Variants in ZNF616 observed in about 807,000 individuals in gnomAD.
ZNF616 encodes zinc finger protein 616.
Under a neutral mutation model 7.6 loss-of-function variants are expected in ZNF616, and 5 were observed. That is an observed-to-expected ratio of 0.66 (90% CI 0.34 to 1.38). The LOEUF (loss-of-function observed/expected upper bound fraction) is 1.38, where lower values mean the gene tolerates loss of function less well. Among genes scored for constraint, ZNF616 ranks in the 40% most tolerant of loss-of-function variants. ZNF616 has a pLI of 0.04. For synonymous variants in ZNF616, 319 were observed against 317.2 expected, an observed-to-expected ratio of 1.01 and a Z score of -0.06; for missense variants, 913 against 948.3, an observed-to-expected ratio of 0.96 and a Z score of 0.49.
chr19:52,130,130 T>TTC (rs2088945101), intron 2 of ZNF616, among the ~76,000 whole-genome samples: 1 of 152,194 alleles, frequency 6.6e-6, no homozygotes, highest in South Asian at 2.1e-4. Context: ...CACATGCAGC[T>TTC]TCTCTATTCC....
At chr19:52,127,286 C>G (rs1018110573) in intron 2 of ZNF616, among the ~76,000 whole-genome samples, 5 of 152,162 alleles carry the variant, frequency 3.3e-5, no homozygotes, top group African/African-American at 7.2e-5. Context: ...AACTCCTGAC[C>G]TCAGGTGATC....
In ZNF616 at chr19:52,115,389, A is replaced by T; in HGVS notation, c.1775T>A (p.Leu592His). 5 of 1,614,114 alleles carry T rather than the reference A, an allele frequency of 3.1e-6. No individual in the cohort carries two copies. The highest frequency in any genetic ancestry group is 4.2e-6 in the Non-Finnish European group (5 of 1,180,014). ...AGTATGAACTCTTCGATGCCCTACA[A>T]GATGTGAATACTGACTGTAGACCTT... Reference protein sequence around the residue: ...CGKVYSQYSHLVGHRRVHTGE... With the variant: ...CGKVYSQYSHHVGHRRVHTGE... Residue 592 changes from leucine to histidine, a missense_variant, in exon 4 of 4, where the codon CTT becomes CAT. Leu to His is a moderately conservative substitution (Grantham distance 99, BLOSUM62 -3). Transcript: ENST00000600228.
rs1330222428 is a variant in ZNF616, at chr19:52,115,628, C to G, written c.1536G>C (p.Arg512=). 2.5e-6 allele frequency: 4 copies of G among 1,613,736 alleles called. No individual in the cohort carries two copies. In the Admixed American group the frequency reaches 6.7e-5, roughly 27 times the overall value. The change falls in exon 4 of 4, where the codon CGG becomes CGC. Residue 512 remains arginine, a synonymous_variant. Coordinates refer to ENST00000600228, the MANE Select transcript of ZNF616 (RefSeq NM_178523.5). ...FSQHSRLAVH[R]RIHTGEKPYK... ...AAGGTTTCTCTCCAGTATGAATTCTCCGATGCACTGCAAGACGTGAATGTT... is the reference window on the plus strand; with the variant it reads ...AAGGTTTCTCTCCAGTATGAATTCTGCGATGCACTGCAAGACGTGAATGTT...
rs189627700 is a variant in ZNF616, at chr19:52,134,803, C to T, written c.-76-4215G>A. On this transcript the variant is annotated intron_variant, in intron 1 of 3. Coordinates refer to ENST00000600228, the MANE Select transcript of ZNF616 (RefSeq NM_178523.5). The stretch of plus-strand genomic sequence containing the variant: ...TCCAAAGAGCATTACCCATCCTCTC[C>T]CCAAACTGCCTCCCCAGCACCTAGT... Among the ~76,000 whole-genome samples, 39 of 152,264 alleles carry T rather than the reference C, an allele frequency of 2.6e-4. 1 individual carries two copies. The East Asian group carries it at 7.5e-3, about 29-fold the overall frequency.
intron 1 of ZNF616, among the ~76,000 whole-genome samples, chr19:52,133,163 T>G (rs757683978): frequency 6.6e-5 from 10 of 152,120 alleles, no homozygotes; most frequent in Non-Finnish European, 1.5e-4. Flanking sequence ...AGGCAAGAAG[T>G]GAAGACGGAG....
At position 52,115,270 on chromosome 19, in the gene ZNF616, G is replaced by C; in HGVS notation, c.1894C>G (p.Pro632Ala). 6.2e-7 allele frequency: 1 copy of C among 1,614,092 alleles called. No individual in the cohort carries two copies. The highest frequency in any genetic ancestry group is 8.5e-7 in the Non-Finnish European group (1 of 1,180,012). The change falls in exon 4 of 4, where the codon CCT becomes GCT. Residue 632 changes from proline (P) to alanine (A), a missense_variant. Coordinates refer to ENST00000600228, the MANE Select transcript of ZNF616 (RefSeq NM_178523.5). ...RHQRIHTGEK[P>A]YKCNQCGNSF... is the part of the protein sequence containing the mutation. Reference sequence around the variant, plus strand: ...TTCCCACACTGATTGCATTTGTAAGGTTTCTCTCCGGTATGAATTCTCTGA... The same window carrying C: ...TTCCCACACTGATTGCATTTGTAAGCTTTCTCTCCGGTATGAATTCTCTGA...
chr19:52,115,361 T>C lies in ZNF616; in HGVS notation c.1803A>G (p.Gly601=). ...HLVGHRRVHT[G]EKPYKCHECG... is the part of the protein sequence containing the mutation. ...ATTCATGACATTTGTATGGTTTCTC[T>C]CCAGTATGAACTCTTCGATGCCCTA... Residue 601 remains glycine (G), a synonymous_variant, in exon 4 of 4, where the codon GGA becomes GGG. Coordinates refer to ENST00000600228, the MANE Select transcript of ZNF616 (RefSeq NM_178523.5). The C allele has an allele frequency of 1.2e-6, 2 of 1,614,134 alleles. No individual in the cohort carries two copies. The highest frequency in any genetic ancestry group is 1.7e-6 in the Non-Finnish European group (2 of 1,180,020).
Position 52,116,098 on chromosome 19 carries a change from C to T in ZNF616, c.1066G>A (p.Asp356Asn). 6.2e-7 allele frequency: 1 copy of T among 1,614,176 alleles called. No individual in the cohort carries two copies. The highest frequency in any genetic ancestry group is 1.3e-5 in the African/African-American group (1 of 75,044). Residue 356 changes from aspartate to asparagine, a missense_variant, in exon 4 of 4, where the codon GAT becomes AAT. Transcript: ENST00000600228. ...TGTCTGAATGCCTTGCCACATACATCACATTTATATGGTTTCTTTCCTGCA... is the reference window on the plus strand; with the variant it reads ...TGTCTGAATGCCTTGCCACATACATTACATTTATATGGTTTCTTTCCTGCA... ...IHAGKKPYKC[D>N]VCGKAFRHRS...
rs1467564095 is a variant in ZNF616, at chr19:52,115,500, C to A, written c.1664G>T (p.Gly555Val). 1.1e-5 allele frequency: 17 copies of A among 1,614,092 alleles called. No homozygotes were observed. Among genetic ancestry groups the A allele is most frequent in the African/African-American group, 2.7e-5 (2 of 74,946 alleles). The stretch of plus-strand genomic sequence containing the variant: ...ACGTGAACATTGACTGAAGACCTTG[C>A]CACATTCTTTGCATTTGTAAGGCTT... ...GEKPYKCKEC[G>V]KVFSQCSRLT... The change falls in exon 4 of 4, where the codon GGC (glycine) becomes GTC (valine). Residue 555 changes from glycine (G) to valine (V), a missense_variant. By Grantham distance (109) the Gly-to-Val change is moderately radical (BLOSUM62 -3). Coordinates refer to ENST00000600228, the MANE Select transcript of ZNF616 (RefSeq NM_178523.5).
Position 52,115,313 on chromosome 19 carries a change from G to C in ZNF616, c.1851C>G (p.Gly617=), listed in dbSNP as rs779023188. ...CHECGKAFNQ[G]STLNRHQRIH... is the part of the protein sequence containing the mutation. ...TTCTCTGATGTCTATTGAGTGTGGA[G>C]CCCTGATTAAAGGCTTTGCCACATT... The change falls in exon 4 of 4, where the codon GGC becomes GGG. Residue 617 remains glycine, a synonymous_variant. Transcript: ENST00000600228. The C allele has an allele frequency of 3.7e-6, 6 of 1,613,534 alleles. No individual in the cohort carries two copies. The highest frequency in any genetic ancestry group is 5.1e-6 in the Non-Finnish European group (6 of 1,179,898).
intron 3 of ZNF616, among the ~76,000 whole-genome samples, chr19:52,120,663 G>A (rs2122149139): frequency 6.6e-6 from 1 of 152,308 alleles, no homozygotes; most frequent in Middle Eastern, 3.4e-3. Flanking sequence ...ATCGGAGGTG[G>A]CTAAACTGGT....
At position 52,129,973 on chromosome 19, in the gene ZNF616, A is replaced by G. The variant is rs577947792; in HGVS notation, c.12+528T>C. On this transcript the variant is annotated intron_variant, in intron 2 of 3. Transcript: ENST00000600228. The stretch of plus-strand genomic sequence containing the variant: ...AATTTTTGTATTTTCAGTAAAGACG[A>G]GGTTTCACCATGTTGGCTCAAACTC... Among the ~76,000 whole-genome samples the G allele has an allele frequency of 2.0e-5, 3 of 152,174 alleles. No individual in the cohort carries two copies. In the South Asian group the frequency reaches 6.2e-4, roughly 32 times the overall value.
intron 3 of ZNF616, among the ~76,000 whole-genome samples, chr19:52,119,740 A>G (rs1453624415): frequency 1.3e-5 from 2 of 152,338 alleles, no homozygotes; most frequent in African/African-American, 4.8e-5. Flanking sequence ...GAATTATACT[A>G]TGGGCACAGG....
Position 52,117,043 on chromosome 19 carries a change from A to G in ZNF616, c.140-19T>C, listed in dbSNP as rs776893257. Reference sequence around the variant, plus strand: ...GAGATACCTGCAAAATATAATGAACATGAGTTTTTTTTTAAACTACTACTA... The same window carrying G: ...GAGATACCTGCAAAATATAATGAACGTGAGTTTTTTTTTAAACTACTACTA... On this transcript the variant is annotated intron_variant, in intron 3 of 3. Coordinates refer to ENST00000600228, the MANE Select transcript of ZNF616 (RefSeq NM_178523.5). 1.4e-5 allele frequency: 22 copies of G among 1,528,772 alleles called. No homozygotes were observed. Among genetic ancestry groups the G allele is most frequent in the African/African-American group, 2.8e-5 (2 of 71,718 alleles). The allele number at this position is 1,528,772 out of a possible 1,614,324, so 94.7% of individuals were successfully genotyped here. A position where few individuals can be genotyped will look rare whatever the true frequency, so the allele number is the denominator to read the frequency against.
chr19:52,120,172 T>C (rs1353136555), intron 3 of ZNF616, among the ~76,000 whole-genome samples: 2 of 152,214 alleles, frequency 1.3e-5, no homozygotes, highest in Non-Finnish European at 2.9e-5. Flanking sequence ...GGAAGTAATC[T>C]GGGATATCAA....
At chr19:52,133,666 A>G (rs920281056) in intron 1 of ZNF616, among the ~76,000 whole-genome samples, 3 of 151,988 alleles carry the variant, frequency 2.0e-5, no homozygotes, top group African/African-American at 7.2e-5. Context: ...GGCATGTGCC[A>G]CCACACCTGG....
intron 2 of ZNF616, 76 bp downstream of exon 2, chr19:52,130,425 C>G (rs970283185): frequency 4.5e-6 from 6 of 1,331,134 alleles, no homozygotes; most frequent in Non-Finnish European, 5.4e-6. Flanking sequence ...AACTCCGACG[C>G]CCTGTACTTC....
In ZNF616 at chr19:52,116,664, T is replaced by G; in HGVS notation, c.500A>C (p.Glu167Ala). 1 of 1,614,174 alleles carries G rather than the reference T, an allele frequency of 6.2e-7. No homozygotes were observed. Among genetic ancestry groups the G allele is most frequent in the Non-Finnish European group, 8.5e-7 (1 of 1,180,030 alleles). Residue 167 changes from glutamate to alanine, a missense_variant, in exon 4 of 4, where the codon GAG becomes GCG. Transcript: ENST00000600228. ...TAAACAACCATTATTACCTGTCTTC[T>G]CCGTTTCATTACATTCATAAAGTCT... ...EGRLYECNET[E>A]KTGNNGCLVS...
intron 1 of ZNF616, among the ~76,000 whole-genome samples, chr19:52,138,187 A>G (rs900086314): frequency 3.3e-5 from 5 of 152,226 alleles, no homozygotes; most frequent in African/African-American, 7.2e-5. Context: ...TCTTGTAGTG[A>G]CAGTCAGTCA....
Sources: gnomAD v4.1 joint callset for allele counts (sites outside exome capture counted in the v4.1 genomes callset) on GRCh38, gnomAD v4.1.1 for gene constraint, MANE v1.5 for transcripts, NCBI Gene and HGNC (gene_info 2026-07-23, HGNC 2026-07-21) for gene names.